SATB1: variants seen among roughly 807,000 people sequenced by gnomAD.
SATB1 encodes DNA-binding protein SATB1.
Under a neutral mutation model 86.9 loss-of-function variants are expected in SATB1, and 11 were observed. The ratio of observed to expected loss-of-function variants is 0.13; its 90% CI spans 0.08 to 0.21. The LOEUF (loss-of-function observed/expected upper bound fraction) is 0.21. Ranked by LOEUF, SATB1 falls within the 10% of genes least tolerant of loss-of-function variation. The pLI is 1.00. For missense variants in SATB1, 551 were observed against 937.6 expected (o/e 0.59, Z 5.39); for synonymous variants, 357 against 357.2 (o/e 1.00, Z 0.01).
intron 2 of SATB1, among the ~76,000 whole-genome samples, chr3:18,432,749 G>T (rs1279730038): frequency 6.7e-6 from 1 of 148,764 alleles, no homozygotes; most frequent in African/African-American, 2.5e-5. Context: ...TGTACACCTA[G>T]AAACAGTCAA....
Position 18,346,779 on chromosome 3 carries a change from G to A in SATB1, c.*2391C>T, listed in dbSNP as rs1270704158. The stretch of plus-strand genomic sequence containing the variant: ...AAAATAATTTAGGTTATTAGGAATT[G>A]GAAAGTTATTTGCAACCCAAACTTA... On this transcript the variant is annotated 3_prime_UTR_variant, in exon 11 of 11. Coordinates refer to ENST00000338745, the MANE Select transcript of SATB1 (RefSeq NM_002971.6). 2.6e-5 allele frequency: 4 copies of A among 152,114 alleles called. No individual in the cohort carries two copies. Among genetic ancestry groups the A allele is most frequent in the Admixed American group, 1.3e-4 (2 of 15,266 alleles). The allele number at this position is 152,114 out of a possible 1,614,324, so 9.4% of individuals were successfully genotyped here.
At chr3:18,434,383 G>GTATA (rs530106615) in intron 2 of SATB1, among the ~76,000 whole-genome samples, 2 of 147,888 alleles carry the variant, frequency 1.4e-5, no homozygotes, top group African/African-American at 2.6e-5. Flanking sequence ...GTAAGAATAA[G>GTATA]TATATATATA....
intron 7 of SATB1, among the ~76,000 whole-genome samples, chr3:18,390,649 C>T (rs1696611365): frequency 6.6e-6 from 1 of 152,056 alleles, no homozygotes; most frequent in South Asian, 2.1e-4. Flanking sequence ...ATTTACAGAA[C>T]TCAAATTTAA....
rs376557415 is a variant in SATB1, at chr3:18,399,927, C to CGT, written c.640-2639_640-2638dup. Among the ~76,000 whole-genome samples, 349 of 151,682 alleles carry CGT rather than the reference C, an allele frequency of 2.3e-3. 2 individuals are homozygous for CGT. Among genetic ancestry groups the CGT allele is most frequent in the African/African-American group, 7.4e-3 (307 of 41,326 alleles). On this transcript the variant is annotated intron_variant, in intron 5 of 10. Transcript: ENST00000338745. The stretch of plus-strand genomic sequence containing the variant: ...TGAGGTGTATGTGTGTGGGCGTGGG[C>CGT]GTGTGTGTGTGTTTCAGGTGGTAAA...
At chr3:18,411,170 C>T (rs755007083) in intron 5 of SATB1, 1 of 334,512 alleles carries the variant, frequency 3.0e-6, no homozygotes, top group Non-Finnish European at 5.3e-6. Context: ...CACTTCTCAC[C>T]CACTTTATAT....
In SATB1 at chr3:18,375,655, A is replaced by G. The variant is rs9757523; in HGVS notation, c.1575+2515T>C. On this transcript the variant is annotated intron_variant, in intron 9 of 10. Transcript: ENST00000338745. ...TGTTTCCTTCACAAAACATCATAGC[A>G]TGAGAACAGAACCTAAGTAAATGGC... is the stretch of plus-strand genomic sequence containing the variant. 8.2e-3 allele frequency among the ~76,000 whole-genome samples: 1,241 copies of G among 152,258 alleles called. 12 individuals carry two copies. Among genetic ancestry groups the G allele is most frequent in the African/African-American group, 0.028 (1,181 of 41,548 alleles).
At chr3:18,400,284 G>C (rs569055604) in intron 5 of SATB1, among the ~76,000 whole-genome samples, 160 of 152,152 alleles carry the variant, frequency 1.1e-3, no homozygotes, top group Non-Finnish European at 1.7e-3. Context: ...TAGGTCTGGG[G>C]CACCATATTA....
intron 7 of SATB1, among the ~76,000 whole-genome samples, chr3:18,393,309 C>T (rs553685476): frequency 2.0e-5 from 3 of 151,126 alleles, no homozygotes; most frequent in East Asian, 2.0e-4. Flanking sequence ...CAAAGTTACG[C>T]GGTTTTTCGT....
chr3:18,358,183 C>T (rs980616343), intron 9 of SATB1, among the ~76,000 whole-genome samples: 6 of 151,824 alleles, frequency 4.0e-5, no homozygotes, highest in Admixed American at 1.3e-4. Flanking sequence ...GGGCAAGAAG[C>T]GATGCACTTT....
chr3:18,402,117 A>G (rs1158704496), intron 5 of SATB1, among the ~76,000 whole-genome samples: 4 of 152,154 alleles, frequency 2.6e-5, no homozygotes, highest in Non-Finnish European at 5.9e-5. Context: ...AAAAAATTTT[A>G]TTCTTTTAAA....
chr3:18,391,738 C>T (rs1451227012), intron 7 of SATB1, among the ~76,000 whole-genome samples: 2 of 152,102 alleles, frequency 1.3e-5, no homozygotes, highest in East Asian at 1.9e-4. Flanking sequence ...TCTATACATA[C>T]GCATTAGCAT....
intron 7 of SATB1, among the ~76,000 whole-genome samples, chr3:18,388,385 A>C (rs949905132): frequency 3.3e-5 from 5 of 152,118 alleles, no homozygotes; most frequent in African/African-American, 1.2e-4. Flanking sequence ...ACTCCTCTCC[A>C]CCAAATGTTA....
At chr3:18,401,288 C>T (rs1218554348) in intron 5 of SATB1, among the ~76,000 whole-genome samples, 1 of 152,140 alleles carries the variant, frequency 6.6e-6, no homozygotes, top group East Asian at 1.9e-4. Context: ...AAAGGTCAAA[C>T]ATAATAGCAG....
upstream of SATB1, among the ~76,000 whole-genome samples, chr3:18,425,839 G>A (rs1319120270): frequency 6.9e-6 from 1 of 145,152 alleles, no homozygotes; most frequent in Admixed American, 6.8e-5. Flanking sequence ...AGGACGGGCA[G>A]GACGGGCACG....
upstream of SATB1, among the ~76,000 whole-genome samples, chr3:18,425,886 G>A (rs1698679946): frequency 6.7e-6 from 1 of 149,444 alleles, no homozygotes; most frequent in Non-Finnish European, 1.5e-5. Context: ...GGAGGAGGGG[G>A]CGAGGGCCAG....
At chr3:18,402,976 C>T (rs980339413) in intron 5 of SATB1, among the ~76,000 whole-genome samples, 6 of 152,020 alleles carry the variant, frequency 3.9e-5, no homozygotes, top group Non-Finnish European at 4.4e-5. Context: ...TGTAAACACC[C>T]AAGATGATTT....
At chr3:18,407,060 G>A (rs768959901) in intron 5 of SATB1, among the ~76,000 whole-genome samples, 1 of 152,036 alleles carries the variant, frequency 6.6e-6, no homozygotes, top group African/African-American at 2.4e-5. Flanking sequence ...CAAATGCTAC[G>A]ATGGGCACAT....
At chr3:18,435,984 A>T (rs750030817) in intron 2 of SATB1, among the ~76,000 whole-genome samples, 8 of 152,192 alleles carry the variant, frequency 5.3e-5, no homozygotes, top group Non-Finnish European at 1.2e-4. Context: ...AGCCCCACTC[A>T]TATTTTAAAA....
At chr3:18,412,170 T>C (rs961937328) in intron 5 of SATB1, among the ~76,000 whole-genome samples, 2 of 152,068 alleles carry the variant, frequency 1.3e-5, no homozygotes, top group African/African-American at 4.8e-5. Context: ...ACTTTCTTGT[T>C]AGTCATTGCA....
Sources: allele counts gnomAD v4.1 joint callset (sites outside exome capture counted in the v4.1 genomes callset), GRCh38; gene constraint gnomAD v4.1.1; transcripts MANE v1.5; gene names NCBI Gene and HGNC (gene_info 2026-07-23, HGNC 2026-07-21).